Variants in RIMKLB observed in about 807,000 individuals in gnomAD.
RIMKLB encodes the protein beta-citrylglutamate synthase B.
Under a neutral mutation model 32.0 loss-of-function variants are expected in RIMKLB, and 7 were observed. The ratio of observed to expected loss-of-function variants is 0.22; its 90% CI spans 0.12 to 0.41. The LOEUF is 0.41. Among genes scored for constraint, RIMKLB ranks in the 10% least tolerant of loss-of-function variants. The probability of loss-of-function intolerance (pLI) is 1.00; values close to 1 mark genes in which losing one functional copy is unlikely to be tolerated. For synonymous variants in RIMKLB, 172 were observed against 185.1 expected (o/e 0.93, Z 0.57); for missense variants, 289 against 498.7 (o/e 0.58, Z 4.00).
downstream of RIMKLB, among the ~76,000 whole-genome samples, chr12:8,778,819 A>G (rs1176060907): frequency 6.6e-6 from 1 of 152,204 alleles, no homozygotes; most frequent in Non-Finnish European, 1.5e-5. Flanking sequence ...GTGGCTTTGG[A>G]CGTACTATCC....
At chr12:8,762,754 GGGGT>G in intron 5 of RIMKLB, among the ~76,000 whole-genome samples, 1 of 152,154 alleles carries the variant, frequency 6.6e-6, no homozygotes, top group Non-Finnish European at 1.5e-5. Context: ...CTGGAGTGAG[GGGGT>G]TACTTTGAAG....
chr12:8,727,795 A>C (rs992280744), intron 2 of RIMKLB, among the ~76,000 whole-genome samples: 2 of 151,942 alleles, frequency 1.3e-5, no homozygotes, highest in Non-Finnish European at 2.9e-5. Flanking sequence ...GCTACTCAGG[A>C]GACTGAGGCA....
In RIMKLB at chr12:8,720,520, T is replaced by C. The variant is rs115980586; in HGVS notation, c.175+6479T>C. ...AGCTGAGGATGCATTTTAATTCCCT[T>C]TGAGGGTAAAGTATCATTATCCCTC... On this transcript the variant is annotated intron_variant, in intron 2 of 5. Transcript: ENST00000535829. Among the ~76,000 whole-genome samples the C allele has an allele frequency of 5.3e-4, 81 of 152,308 alleles. 1 individual carries two copies. The highest frequency in any genetic ancestry group is 1.9e-3 in the African/African-American group (78 of 41,564).
chr12:8,782,390 T>C (rs1323259121), intron 7 of RIMKLB, among the ~76,000 whole-genome samples: 1 of 150,902 alleles, frequency 6.6e-6, no homozygotes, highest in Non-Finnish European at 1.5e-5. Context: ...TACGGAGACA[T>C]CTTTGTGGTT....
intron 2 of RIMKLB, among the ~76,000 whole-genome samples, chr12:8,737,665 CA>C (rs1272892458): frequency 6.6e-6 from 1 of 151,988 alleles, no homozygotes; most frequent in African/African-American, 2.4e-5. Flanking sequence ...CTCTATTATT[CA>C]TTCTGTATTT....
rs1950722686 is a variant in RIMKLB at position 8,776,290 on chromosome 12, G to A, written c.*2506G>A. The A allele has an allele frequency of 1.0e-6, 1 of 976,692 alleles. No individual in the cohort carries two copies. The allele number at this position is 976,692 out of a possible 1,614,324, so 60.5% of individuals were successfully genotyped here. On this transcript the variant is annotated 3_prime_UTR_variant, in exon 6 of 6. Coordinates refer to ENST00000535829, the MANE Select transcript of RIMKLB (RefSeq NM_001297776.2). Reference sequence around the variant, plus strand: ...GTACACTCACATGTTAGAATGAAAAGAGCAGTAGTTATCTTAGATTTTAAA... The same window carrying A: ...GTACACTCACATGTTAGAATGAAAAAAGCAGTAGTTATCTTAGATTTTAAA...
At chr12:8,725,836 G>T (rs7960980) in intron 2 of RIMKLB, among the ~76,000 whole-genome samples, 3,192 of 152,228 alleles carry the variant, frequency 0.021, 110 homozygotes, top group African/African-American at 0.072. Flanking sequence ...TTCCAGGGTG[G>T]TTGTACTGTT....
chr12:8,743,574 A>G (rs1218133741), intron 2 of RIMKLB, among the ~76,000 whole-genome samples: 1 of 151,580 alleles, frequency 6.6e-6, no homozygotes, highest in Non-Finnish European at 1.5e-5. Flanking sequence ...TCTGCTTTCA[A>G]AAAAACAGAA....
intron 1 of RIMKLB, among the ~76,000 whole-genome samples, chr12:8,709,470 G>GGCAC (rs1247241950): frequency 6.6e-6 from 1 of 152,256 alleles, no homozygotes; most frequent in Non-Finnish European, 1.5e-5. Context: ...GAAGCAGGCA[G>GGCAC]GCACGCCTGG....
chr12:8,670,298 C>T, the RIMKLB span, among the ~76,000 whole-genome samples: 1,332 of 152,266 alleles, frequency 8.7e-3, 9 homozygotes, highest in Non-Finnish European at 0.013. Flanking sequence ...CAAGACAAGG[C>T]AAGTCCCTTC....
intron 1 of RIMKLB, among the ~76,000 whole-genome samples, chr12:8,699,013 T>C (rs1251903874): frequency 6.6e-6 from 1 of 152,038 alleles, no homozygotes; most frequent in Non-Finnish European, 1.5e-5. Flanking sequence ...CTTATTAATA[T>C]GTCCTTATCT....
intron 5 of RIMKLB, among the ~76,000 whole-genome samples, chr12:8,766,529 T>C (rs75074113): frequency 0.034 from 5,244 of 152,286 alleles, 267 homozygotes; most frequent in African/African-American, 0.11. Context: ...ATAGAGTCTT[T>C]TTGATTCTGT....
intron 5 of RIMKLB, among the ~76,000 whole-genome samples, chr12:8,762,433 G>A (rs1949607725): frequency 6.6e-6 from 1 of 151,962 alleles, no homozygotes; most frequent in Admixed American, 6.6e-5. Flanking sequence ...GTCCTGCCTT[G>A]CGGCTCTTTT....
At chr12:8,768,731 C>G (rs1012966134) in intron 5 of RIMKLB, among the ~76,000 whole-genome samples, 6 of 152,136 alleles carry the variant, frequency 3.9e-5, no homozygotes, top group Non-Finnish European at 8.8e-5. Flanking sequence ...AATAATTGCC[C>G]TGTTAAAGTT....
intron 1 of RIMKLB, among the ~76,000 whole-genome samples, chr12:8,685,714 G>C (rs1234090493): frequency 6.6e-6 from 1 of 151,306 alleles, no homozygotes; most frequent in East Asian, 1.9e-4. Context: ...GCGAAATCTC[G>C]GCTCACTGCA....
intron 2 of RIMKLB, among the ~76,000 whole-genome samples, chr12:8,741,678 G>T (rs1947545677): frequency 6.6e-6 from 1 of 150,932 alleles, no homozygotes; most frequent in Admixed American, 6.6e-5. Flanking sequence ...TACTCGGGAG[G>T]CTGAGGCAGG....
At chr12:8,726,381 T>C (rs1036565568) in intron 2 of RIMKLB, among the ~76,000 whole-genome samples, 1 of 152,250 alleles carries the variant, frequency 6.6e-6, no homozygotes, top group African/African-American at 2.4e-5. Context: ...CCCGTTTTTT[T>C]AGCTGGGTGG....
At chr12:8,760,505 T>C (rs972148101) in intron 5 of RIMKLB, among the ~76,000 whole-genome samples, 1 of 152,260 alleles carries the variant, frequency 6.6e-6, no homozygotes, top group Non-Finnish European at 1.5e-5. Context: ...TATAGGTCCC[T>C]GAGGAATTGC....
intron 1 of RIMKLB, among the ~76,000 whole-genome samples, chr12:8,704,263 G>T (rs1943655560): frequency 6.6e-6 from 1 of 151,938 alleles, no homozygotes. Context: ...TGTGCTTGTG[G>T]TCCCAGCTAT....
Sources: gnomAD v4.1 joint callset for allele counts (sites outside exome capture counted in the v4.1 genomes callset) on GRCh38, gnomAD v4.1.1 for gene constraint, MANE v1.5 for transcripts, NCBI Gene and HGNC (gene_info 2026-07-23, HGNC 2026-07-21) for gene names.